Variants in PPARGC1A observed in about 807,000 individuals in gnomAD.
PPARGC1A encodes the protein peroxisome proliferator-activated receptor gamma coactivator 1-alpha.
In PPARGC1A, 25 loss-of-function variants were observed where a neutral mutation model predicts 88.7. The observed-to-expected ratio is 0.28, with a 90% CI of 0.21 to 0.39. The LOEUF (loss-of-function observed/expected upper bound fraction) is 0.39. Among genes scored for constraint, PPARGC1A ranks in the 10% least tolerant of loss-of-function variants. The probability of loss-of-function intolerance (pLI) is 1.00; values close to 1 mark genes in which losing one functional copy is unlikely to be tolerated. For synonymous variants in PPARGC1A, 363 were observed against 355.6 expected (o/e 1.02, Z -0.24); for missense variants, 880 against 968.7 (o/e 0.91, Z 1.22).
At chr4:24,188,449 G>A in the PPARGC1A span, among the ~76,000 whole-genome samples, 4 of 152,100 alleles carry the variant, frequency 2.6e-5, no homozygotes, top group African/African-American at 7.3e-5. Context: ...ATGTAATACC[G>A]CTGAACTATT....
At chr4:23,923,662 T>A in the PPARGC1A span, among the ~76,000 whole-genome samples, 1 of 152,218 alleles carries the variant, frequency 6.6e-6, no homozygotes, top group Non-Finnish European at 1.5e-5. Flanking sequence ...CTGATATGCA[T>A]ATATTTAGAA....
chr4:24,039,277 T>C, the PPARGC1A span, among the ~76,000 whole-genome samples: 2 of 152,322 alleles, frequency 1.3e-5, no homozygotes, highest in South Asian at 2.1e-4. Context: ...AGCTATACTT[T>C]AGTGATTCAA....
the PPARGC1A span, among the ~76,000 whole-genome samples, chr4:24,273,478 T>G: frequency 6.6e-5 from 10 of 152,304 alleles, no homozygotes; most frequent in East Asian, 1.2e-3. Context: ...ATGCTAGTGA[T>G]GGTTCCCATT....
At chr4:24,059,353 A>C in the PPARGC1A span, among the ~76,000 whole-genome samples, 4 of 152,214 alleles carry the variant, frequency 2.6e-5, no homozygotes, top group South Asian at 8.3e-4. Context: ...TCATTTGTTT[A>C]GGTGGGAATT....
At chr4:24,457,577 G>T in the PPARGC1A span, among the ~76,000 whole-genome samples, 1 of 151,978 alleles carries the variant, frequency 6.6e-6, no homozygotes, top group African/African-American at 2.4e-5. Flanking sequence ...ATGGAGTCTT[G>T]CTCTGTCCCC....
chr4:24,094,770 CT>C, the PPARGC1A span, among the ~76,000 whole-genome samples: 40 of 151,934 alleles, frequency 2.6e-4, no homozygotes, highest in Admixed American at 2.6e-3. Flanking sequence ...AACAGCATAG[CT>C]TTTATTCACT....
chr4:24,462,157 C>T, the PPARGC1A span, among the ~76,000 whole-genome samples: 1 of 152,110 alleles, frequency 6.6e-6, no homozygotes, highest in Non-Finnish European at 1.5e-5. Flanking sequence ...GGGATCTCGG[C>T]TCACTGCAAC....
the PPARGC1A span, among the ~76,000 whole-genome samples, chr4:24,323,994 A>G: frequency 6.6e-6 from 1 of 152,168 alleles, no homozygotes; most frequent in Middle Eastern, 3.2e-3. Flanking sequence ...TTTCTGGTAG[A>G]GACAAAAGAG....
intron 5 of PPARGC1A, chr4:23,825,111 G>C (rs1176390570): frequency 6.6e-6 from 1 of 152,548 alleles, no homozygotes; most frequent in Non-Finnish European, 1.5e-5. Flanking sequence ...CAGTTGAAAG[G>C]TGTGTAGACT....
At chr4:24,317,060 A>C in the PPARGC1A span, among the ~76,000 whole-genome samples, 1 of 152,146 alleles carries the variant, frequency 6.6e-6, no homozygotes, top group Non-Finnish European at 1.5e-5. Context: ...CCATCACCCT[A>C]TCAGGTAAGT....
the PPARGC1A span, among the ~76,000 whole-genome samples, chr4:24,312,605 G>C: frequency 6.1e-5 from 9 of 147,008 alleles, no homozygotes; most frequent in Non-Finnish European, 1.0e-4. Context: ...AAAAAATGTG[G>C]GGTGGGGGGG....
the PPARGC1A span, among the ~76,000 whole-genome samples, chr4:24,396,985 A>G: frequency 1.3e-5 from 2 of 152,170 alleles, no homozygotes; most frequent in Non-Finnish European, 2.9e-5. Context: ...CTGCTTTACA[A>G]TTAACATGAT....
At chr4:23,928,092 C>T in the PPARGC1A span, among the ~76,000 whole-genome samples, 1 of 152,036 alleles carries the variant, frequency 6.6e-6, no homozygotes, top group African/African-American at 2.4e-5. Flanking sequence ...GCATCCCAGC[C>T]GAATATCAAC....
At chr4:24,218,751 G>A in the PPARGC1A span, among the ~76,000 whole-genome samples, 1 of 152,190 alleles carries the variant, frequency 6.6e-6, no homozygotes, top group East Asian at 1.9e-4. Flanking sequence ...TTCAGGAGGT[G>A]GTTTAGGAAA....
chr4:24,010,169 T>C, the PPARGC1A span, among the ~76,000 whole-genome samples: 24 of 152,318 alleles, frequency 1.6e-4, no homozygotes, highest in African/African-American at 5.5e-4. Flanking sequence ...CCTTAACCTC[T>C]CTAATCTTTA....
At chr4:24,245,370 T>C in the PPARGC1A span, among the ~76,000 whole-genome samples, 1 of 152,194 alleles carries the variant, frequency 6.6e-6, no homozygotes. Flanking sequence ...CAGCGCAATA[T>C]GACACCGAGC....
chr4:24,277,758 G>A, the PPARGC1A span, among the ~76,000 whole-genome samples: 1 of 152,082 alleles, frequency 6.6e-6, no homozygotes, highest in African/African-American at 2.4e-5. Context: ...CAGGGGGGTC[G>A]AGGACAGAGT....
At chr4:24,045,785 G>T in the PPARGC1A span, among the ~76,000 whole-genome samples, 1 of 152,132 alleles carries the variant, frequency 6.6e-6, no homozygotes, top group African/African-American at 2.4e-5. Flanking sequence ...GAGAGTTAAA[G>T]CTTCATCACA....
At chr4:24,089,415 A>G in the PPARGC1A span, among the ~76,000 whole-genome samples, 131 of 152,204 alleles carry the variant, frequency 8.6e-4, 2 homozygotes, top group Non-Finnish European at 1.3e-3. Context: ...CTGACACCCT[A>G]TGACATACTT....
Sources: allele counts gnomAD v4.1 joint callset (sites outside exome capture counted in the v4.1 genomes callset), GRCh38; gene constraint gnomAD v4.1.1; transcripts MANE v1.5; gene names NCBI Gene and HGNC (gene_info 2026-07-23, HGNC 2026-07-21).